Variants in PLEKHG4B observed in about 807,000 individuals in gnomAD.
The protein encoded by PLEKHG4B is pleckstrin homology domain-containing family G member 4B.
A neutral mutation model predicts 121.3 loss-of-function variants in PLEKHG4B; 111 were observed. The observed-to-expected ratio is 0.92, with a 90% CI of 0.78 to 1.07. PLEKHG4B has a LOEUF of 1.07. Among genes scored for constraint, PLEKHG4B ranks in the 50% least tolerant of loss-of-function variants. PLEKHG4B has a pLI of 0.00. For synonymous variants in PLEKHG4B, 738 were observed against 725.0 expected (o/e 1.02, Z -0.29); for missense variants, 1,831 against 1,757.8 (o/e 1.04, Z -0.74).
rs2126357089 is a variant in PLEKHG4B at position 113,163 on chromosome 5, T to A, written c.46-88T>A. 2.5e-6 allele frequency: 1 copy of A among 398,366 alleles called. No homozygotes were observed. The allele number at this position is 398,366 out of a possible 1,614,324, so 24.7% of individuals were successfully genotyped here. A position where few individuals can be genotyped will look rare whatever the true frequency, so the allele number is the denominator to read the frequency against. ...AGACACAGGACAAGGGACTTCCGTG[T>A]GGATCCTTCAGTGCCAGCCTTGGAC... is the stretch of plus-strand genomic sequence containing the variant. On this transcript the variant is annotated intron_variant, in intron 1 of 19. Transcript: ENST00000637938. The surrounding 1 kb of genome is among the most constrained non-coding windows in gnomAD (Gnocchi z 5.2).
chr5:182,528 A>T lies in PLEKHG4B; in HGVS notation c.*205A>T. ...ACAAATTTATAATTTTGTCTTATTT[A>T]AAAAACAAACCTTCCACTTCCACCC... is the stretch of plus-strand genomic sequence containing the variant. On this transcript the variant is annotated 3_prime_UTR_variant, in exon 20 of 20. Coordinates refer to ENST00000637938, the MANE Select transcript of PLEKHG4B (RefSeq NM_052909.5). 1 of 598,718 alleles carries T rather than the reference A, an allele frequency of 1.7e-6. No individual in the cohort carries two copies. The highest frequency in any genetic ancestry group is 2.9e-6 in the Non-Finnish European group (1 of 350,144). 37.1% of individuals were successfully genotyped at this position (598,718 alleles called of 1,614,324 possible). A position where few individuals can be genotyped will look rare whatever the true frequency, so the allele number is the denominator to read the frequency against.
At chr5:100,975 A>G (rs1374571371) in intron 1 of PLEKHG4B, among the ~76,000 whole-genome samples, 176 of 102,322 alleles carry the variant, frequency 1.7e-3, no homozygotes, top group Admixed American at 2.4e-3. Context: ...AAAGCCCTGG[A>G]AAAAGTCTGT....
At chr5:161,682 C>A in intron 11 of PLEKHG4B, 101 bp from the exon 12 acceptor site, 1 of 1,521,822 alleles carries the variant, frequency 6.6e-7, no homozygotes, top group Non-Finnish European at 9.0e-7. Context: ...GTGGGCCGTC[C>A]GAGCCTTGGT....
Position 146,155 on chromosome 5 carries a change from C to G in PLEKHG4B, c.1905+1235C>G, listed in dbSNP as rs185073166. ...CTCCCAACCTGTGGTCCTCCCTCCT[C>G]TCCCCCATTCTGCAGCCCTCCCTCC... On this transcript the variant is annotated intron_variant, in intron 6 of 19. Transcript: ENST00000637938. 1.9e-3 allele frequency among the ~76,000 whole-genome samples: 289 copies of G among 148,222 alleles called. 1 individual carries two copies. Among genetic ancestry groups the G allele is most frequent in the African/African-American group, 7.0e-3 (280 of 40,060 alleles).
chr5:175,238 G>A (rs1198492849), intron 18 of PLEKHG4B, among the ~76,000 whole-genome samples: 2 of 151,972 alleles, frequency 1.3e-5, no homozygotes, highest in African/African-American at 4.8e-5. Context: ...CAGGTGAGAG[G>A]GCCCTCCCCA....
intron 9 of PLEKHG4B, 113 bp from the exon 10 acceptor site, chr5:155,958 C>A: frequency 8.7e-7 from 1 of 1,149,304 alleles, no homozygotes; most frequent in Non-Finnish European, 1.2e-6. Context: ...TGTCATGCCG[C>A]CAGGCCTGCA....
chr5:99,207 TA>T (rs1560892541), intron 1 of PLEKHG4B, among the ~76,000 whole-genome samples: 3 of 118,036 alleles, frequency 2.5e-5, no homozygotes, highest in African/African-American at 9.1e-5. Flanking sequence ...TATATATATA[TA>T]TATATTTTGC....
chr5:173,520 G>C (rs1303204012), intron 17 of PLEKHG4B, among the ~76,000 whole-genome samples: 1 of 152,112 alleles, frequency 6.6e-6, no homozygotes, highest in African/African-American at 2.4e-5. Context: ...CACACAAGCA[G>C]CCTCACAGAC....
intron 5 of PLEKHG4B, among the ~76,000 whole-genome samples, 157 bp downstream of exon 5, chr5:143,660 G>T (rs760856278): frequency 2.6e-5 from 4 of 152,194 alleles, no homozygotes; most frequent in Non-Finnish European, 5.9e-5. Context: ...TGTGCTTCCA[G>T]CCTTGATTTC....
At chr5:104,197 T>A (rs1455333119) in intron 1 of PLEKHG4B, among the ~76,000 whole-genome samples, 6 of 135,610 alleles carry the variant, frequency 4.4e-5, no homozygotes, top group Admixed American at 2.3e-4. Flanking sequence ...CTAAACAACC[T>A]CAGCCAGTCC....
At chr5:174,391 G>A (rs1579328377) in intron 18 of PLEKHG4B, among the ~76,000 whole-genome samples, 2 of 146,996 alleles carry the variant, frequency 1.4e-5, no homozygotes, top group South Asian at 4.4e-4. Flanking sequence ...TAGGAGTGGG[G>A]CTGGGGTGGG....
intron 1 of PLEKHG4B, among the ~76,000 whole-genome samples, chr5:94,075 G>C (rs963710379): frequency 3.1e-4 from 47 of 152,076 alleles, no homozygotes; most frequent in African/African-American, 9.2e-4. Flanking sequence ...TCATTCTATA[G>C]ATAGTGGAAA....
intron 3 of PLEKHG4B, among the ~76,000 whole-genome samples, chr5:142,775 A>G (rs1479185050): frequency 6.6e-6 from 1 of 152,216 alleles, no homozygotes. Flanking sequence ...GGATGAGATG[A>G]CCTGTTCCTC....
Position 182,142 on chromosome 5 carries a change from T to A in PLEKHG4B, c.4703T>A (p.Leu1568Gln). 1 of 1,614,050 alleles carries A rather than the reference T, an allele frequency of 6.2e-7. No homozygotes were observed. Among genetic ancestry groups the A allele is most frequent in the Non-Finnish European group, 8.5e-7 (1 of 1,180,034 alleles). Residue 1568 changes from leucine to glutamine, a missense_variant, in exon 20 of 20, where the codon CTG (leucine) becomes CAG (glutamine). Leu to Gln is a moderately radical substitution (Grantham distance 113, BLOSUM62 -2). Transcript: ENST00000637938. ...TCCTCCATCCTGGGGTCGCTGGGCC[T>A]GCTTGTGTCCTCCAGCCCAGCCCAC... ...QSSSILGSLGLLVSSSPAHPG... is the reference protein window; with the variant it reads ...QSSSILGSLGQLVSSSPAHPG...
At chr5:172,502 G>C (rs375571744) in intron 16 of PLEKHG4B, among the ~76,000 whole-genome samples, 58 of 152,334 alleles carry the variant, frequency 3.8e-4, no homozygotes, top group African/African-American at 1.3e-3. Context: ...AAATGGACGC[G>C]AGGGCTTTGA....
rs1327282639 is a variant in PLEKHG4B, at chr5:184,657, A to G, written c.*2334A>G. The G allele has an allele frequency of 6.6e-6, 1 of 152,190 alleles. No individual in the cohort carries two copies. The highest frequency in any genetic ancestry group is 1.5e-5 in the Non-Finnish European group (1 of 68,040). The allele number at this position is 152,190 out of a possible 1,614,324, so 9.4% of individuals were successfully genotyped here. A position where few individuals can be genotyped will look rare whatever the true frequency, so the allele number is the denominator to read the frequency against. Reference sequence around the variant, plus strand: ...TTTAAATCCCTTTAGCCCATCTCCCATTTGCCCCAAGGAATGAGTGCTGGC... The same window carrying G: ...TTTAAATCCCTTTAGCCCATCTCCCGTTTGCCCCAAGGAATGAGTGCTGGC... On this transcript the variant is annotated 3_prime_UTR_variant, in exon 20 of 20. Transcript: ENST00000637938.
intron 11 of PLEKHG4B, among the ~76,000 whole-genome samples, chr5:161,042 A>T (rs1051555465): frequency 3.3e-5 from 5 of 152,164 alleles, no homozygotes; most frequent in African/African-American, 1.2e-4. Context: ...TCTTCACAAC[A>T]GGCCTCTCAT....
intron 2 of PLEKHG4B, among the ~76,000 whole-genome samples, chr5:134,086 T>TATGATAGA (rs1244907144): frequency 3.3e-5 from 3 of 91,436 alleles, no homozygotes; most frequent in East Asian, 3.1e-4. Flanking sequence ...AATATATATA[T>TATGATAGA]ATATATATAT....
chr5:133,832 C>T (rs143284459), intron 2 of PLEKHG4B, among the ~76,000 whole-genome samples: 275 of 151,396 alleles, frequency 1.8e-3, no homozygotes, highest in African/African-American at 6.4e-3. Context: ...CTTGCACACA[C>T]GTTTATAGCA....
Sources: allele counts gnomAD v4.1 joint callset (sites outside exome capture counted in the v4.1 genomes callset), GRCh38; gene constraint gnomAD v4.1.1; non-coding constraint Gnocchi (gnomAD v3.1); transcripts MANE v1.5; gene names NCBI Gene and HGNC (gene_info 2026-07-23, HGNC 2026-07-21).